Variants in CCL22 observed in about 807,000 individuals in gnomAD.
CCL22 encodes C-C motif chemokine 22.
Under a neutral mutation model 7.6 loss-of-function variants are expected in CCL22, and 7 were observed. The observed-to-expected ratio is 0.92, with a 90% CI of 0.52 to 1.72. The LOEUF is 1.72. Among genes scored for constraint, CCL22 ranks in the 40% most tolerant of loss-of-function variants. The probability of loss-of-function intolerance (pLI) is 0.00; values close to 1 mark genes in which losing one functional copy is unlikely to be tolerated. For synonymous variants in CCL22, 55 were observed against 47.2 expected (o/e 1.17, Z -0.68); for missense variants, 115 against 124.7 (o/e 0.92, Z 0.37).
chr16:57,361,496 C>T lies in CCL22; in HGVS notation c.197+936C>T, dbSNP rs1344646435. On this transcript the variant is annotated intron_variant, in intron 2 of 2. Transcript: ENST00000219235. ...CCCATGGTAGAGATGGAGAAACAGG[C>T]TTAGCAAGGGACAGTGACCTGCTCA... 3.3e-5 allele frequency among the ~76,000 whole-genome samples: 5 copies of T among 152,202 alleles called. No homozygotes were observed. In the East Asian group the frequency reaches 9.6e-4, roughly 29 times the overall value.
In CCL22 at chr16:57,364,518, A is replaced by C. The variant is rs1597991501; in HGVS notation, c.*930A>C. On this transcript the variant is annotated 3_prime_UTR_variant, in exon 3 of 3. Transcript: ENST00000219235. ...TTTGAGATGGAGTTTCGCTCTTGTCACCCACGCTGGAGTGCAATGGTGTGG... is the reference window on the plus strand; with the variant it reads ...TTTGAGATGGAGTTTCGCTCTTGTCCCCCACGCTGGAGTGCAATGGTGTGG... The C allele has an allele frequency of 7.7e-6, 1 of 130,656 alleles. No homozygotes were observed. Among genetic ancestry groups the C allele is most frequent in the Non-Finnish European group, 1.6e-5 (1 of 63,660 alleles). 8.1% of individuals were successfully genotyped at this position (130,656 alleles called of 1,614,324 possible). A position where few individuals can be genotyped will look rare whatever the true frequency, so the allele number is the denominator to read the frequency against.
chr16:57,363,741 C>T lies in CCL22; in HGVS notation c.*153C>T, dbSNP rs1221962074. 8 of 619,332 alleles carry T rather than the reference C, an allele frequency of 1.3e-5. No homozygotes were observed. The highest frequency in any genetic ancestry group is 1.9e-5 in the South Asian group (1 of 53,512). The allele number at this position is 619,332 out of a possible 1,614,324, so 38.4% of individuals were successfully genotyped here. ...TGTGGCTGTCACCCTTGGTCACCTCCGTGCTGTCACTGCCATCTCCCCCCT... is the reference window on the plus strand; with the variant it reads ...TGTGGCTGTCACCCTTGGTCACCTCTGTGCTGTCACTGCCATCTCCCCCCT... On this transcript the variant is annotated 3_prime_UTR_variant, in exon 3 of 3. Transcript: ENST00000219235.
Position 57,365,245 on chromosome 16 carries a change from A to G in CCL22, c.*1657A>G, listed in dbSNP as rs1459909707. On this transcript the variant is annotated 3_prime_UTR_variant, in exon 3 of 3. Coordinates refer to ENST00000219235, the MANE Select transcript of CCL22 (RefSeq NM_002990.5). ...TACCCAGGCCTGGCCTCTTCAGAGT[A>G]CCCCCCATTCCACTTTCCCTGCCTC... is the stretch of plus-strand genomic sequence containing the variant. The G allele has an allele frequency of 6.6e-6, 1 of 151,806 alleles. No homozygotes were observed. The highest frequency in any genetic ancestry group is 2.4e-5 in the African/African-American group (1 of 41,264). The allele number at this position is 151,806 out of a possible 1,614,324, so 9.4% of individuals were successfully genotyped here. A position where few individuals can be genotyped will look rare whatever the true frequency, so the allele number is the denominator to read the frequency against.
chr16:57,360,481 T>C lies in CCL22; in HGVS notation c.118T>C (p.Tyr40His), dbSNP rs41398344. ...NMEDSVCCRD[Y>H]VRYRLPLRVV... ...GGAAGACAGCGTCTGCTGCCGTGATTACGTCCGTTACCGTCTGCCCCTGCG... is the reference window on the plus strand; with the variant it reads ...GGAAGACAGCGTCTGCTGCCGTGATCACGTCCGTTACCGTCTGCCCCTGCG... Residue 40 changes from tyrosine (Y) to histidine (H), a missense_variant, in exon 2 of 3, where the codon TAC becomes CAC. By Grantham distance (83) the Tyr-to-His change is moderately conservative. Transcript: ENST00000219235. 12,068 of 1,614,214 alleles carry C rather than the reference T, an allele frequency of 7.5e-3. 61 individuals carry two copies. The highest frequency in any genetic ancestry group is 9.1e-3 in the Non-Finnish European group (10,707 of 1,180,012).
intron 1 of CCL22, among the ~76,000 whole-genome samples, chr16:57,359,612 A>G (rs2146496105): frequency 6.8e-6 from 1 of 147,850 alleles, no homozygotes; most frequent in East Asian, 2.0e-4. Context: ...CACTGCGTCT[A>G]GCCTAAATTT....
At chr16:57,362,510 G>C (rs879562524) in intron 2 of CCL22, among the ~76,000 whole-genome samples, 9 of 151,954 alleles carry the variant, frequency 5.9e-5, no homozygotes, top group African/African-American at 2.2e-4. Context: ...GAGCCAGAAG[G>C]GACCCTAGAA....
intron 1 of CCL22, among the ~76,000 whole-genome samples, chr16:57,359,542 C>T (rs564240349): frequency 2.0e-5 from 3 of 148,806 alleles, no homozygotes; most frequent in Middle Eastern, 6.8e-3. Flanking sequence ...TCTCAAACTC[C>T]TGACCTCAGA....
rs535406932 is a variant in CCL22, at chr16:57,365,520, G to A, written c.*1932G>A. On this transcript the variant is annotated 3_prime_UTR_variant, in exon 3 of 3. Coordinates refer to ENST00000219235, the MANE Select transcript of CCL22 (RefSeq NM_002990.5). ...TCTGTGGCAGGAGGCAAAGAGTAGG[G>A]TGTAATTGAGTGAAGGAATCCTGGG... 6.6e-6 allele frequency: 1 copy of A among 152,236 alleles called. No individual in the cohort carries two copies. Among genetic ancestry groups the A allele is most frequent in the Non-Finnish European group, 1.5e-5 (1 of 68,104 alleles). 9.4% of individuals were successfully genotyped at this position (152,236 alleles called of 1,614,324 possible).
chr16:57,358,772 T>C, upstream of CCL22: 1 of 1,447,572 alleles, frequency 6.9e-7, no homozygotes, highest in Non-Finnish European at 9.7e-7. Context: ...CAGGTCTTCC[T>C]ATGTCCCTTT....
At chr16:57,363,247 G>A (rs1020078329) in intron 2 of CCL22, among the ~76,000 whole-genome samples, 14 of 151,970 alleles carry the variant, frequency 9.2e-5, no homozygotes, top group East Asian at 1.9e-4. Flanking sequence ...CTCCTGCCTC[G>A]GCCTCCCAAA....
At position 57,363,644 on chromosome 16, in the gene CCL22, A is replaced by C. The variant is rs1037443738; in HGVS notation, c.*56A>C. 20 of 1,068,968 alleles carry C rather than the reference A, an allele frequency of 1.9e-5. No individual in the cohort carries two copies. Among genetic ancestry groups the C allele is most frequent in the East Asian group, 4.8e-5 (2 of 41,710 alleles). 66.2% of individuals were successfully genotyped at this position (1,068,968 alleles called of 1,614,324 possible). A position where few individuals can be genotyped will look rare whatever the true frequency, so the allele number is the denominator to read the frequency against. ...TCCTCCAGGAAGGCTCAGGAGCCCT[A>C]CCTCCCTGCCATTATAGCTGCTCCC... On this transcript the variant is annotated 3_prime_UTR_variant, in exon 3 of 3. Coordinates refer to ENST00000219235, the MANE Select transcript of CCL22 (RefSeq NM_002990.5).
upstream of CCL22, among the ~76,000 whole-genome samples, chr16:57,358,009 C>T (rs1902005563): frequency 6.6e-6 from 1 of 152,154 alleles, no homozygotes; most frequent in Admixed American, 6.5e-5. Context: ...CTGGCTGCTG[C>T]AGGGTGGGGA....
chr16:57,358,102 A>C (rs1452442975), upstream of CCL22, among the ~76,000 whole-genome samples: 2 of 152,172 alleles, frequency 1.3e-5, no homozygotes, highest in Non-Finnish European at 2.9e-5. Flanking sequence ...GAGAAGGAGC[A>C]GATCTGAGAG....
chr16:57,365,391 T>A lies in CCL22; in HGVS notation c.*1803T>A, dbSNP rs2146501265. 6.6e-6 allele frequency: 1 copy of A among 152,292 alleles called. No individual in the cohort carries two copies. The highest frequency in any genetic ancestry group is 1.5e-5 in the Non-Finnish European group (1 of 68,044). The allele number at this position is 152,292 out of a possible 1,614,324, so 9.4% of individuals were successfully genotyped here. A position where few individuals can be genotyped will look rare whatever the true frequency, so the allele number is the denominator to read the frequency against. ...CAGAGTAAATACTTAAGAGGCCAAA[T>A]AGATGAATGGAAGAATTTTAGGAAC... On this transcript the variant is annotated 3_prime_UTR_variant, in exon 3 of 3. Transcript: ENST00000219235.
intron 2 of CCL22, among the ~76,000 whole-genome samples, chr16:57,362,722 G>A (rs1902061730): frequency 6.6e-6 from 1 of 151,840 alleles, no homozygotes; most frequent in Admixed American, 6.6e-5. Context: ...TTAGCTGGGT[G>A]TTGTGGCGGG....
rs563021714 is a variant in CCL22 at position 57,361,232 on chromosome 16, C to T, written c.197+672C>T. 4.9e-5 allele frequency among the ~76,000 whole-genome samples: 7 copies of T among 143,558 alleles called. No individual in the cohort carries two copies. In the South Asian group the frequency reaches 1.6e-3, roughly 32 times the overall value. The allele number at this position is 143,558 out of a possible 152,430, so 94.2% of individuals were successfully genotyped here. Reference sequence around the variant, plus strand: ...CGAGATCGCTCCACCTCACTCCAGCCTGGGCAACAGAGGGAGACTCTGTCT... The same window carrying T: ...CGAGATCGCTCCACCTCACTCCAGCTTGGGCAACAGAGGGAGACTCTGTCT... On this transcript the variant is annotated intron_variant, in intron 2 of 2. Transcript: ENST00000219235.
Position 57,360,471 on chromosome 16 carries a change from C to G in CCL22, c.108C>G (p.Cys36Trp). 6.2e-7 allele frequency: 1 copy of G among 1,614,240 alleles called. No homozygotes were observed. Among genetic ancestry groups the G allele is most frequent in the Non-Finnish European group, 8.5e-7 (1 of 1,180,036 alleles). Residue 36 changes from cysteine to tryptophan, a missense_variant, in exon 2 of 3, where the codon TGC becomes TGG. Physicochemically the swap from Cys to Trp is radical, Grantham distance 215. Transcript: ENST00000219235. ...GCGCCAACATGGAAGACAGCGTCTG[C>G]TGCCGTGATTACGTCCGTTACCGTC... ...PYGANMEDSVCCRDYVRYRLP... is the reference protein window; with the variant it reads ...PYGANMEDSVWCRDYVRYRLP...
intron 2 of CCL22, 123 bp from the exon 3 acceptor site, chr16:57,363,381 G>A (rs985763337): frequency 9.3e-5 from 59 of 636,992 alleles, no homozygotes; most frequent in Admixed American, 7.3e-4. Flanking sequence ...TATGTAGTAG[G>A]TGACTCATAA....
chr16:57,364,653 ATT>A lies in CCL22; in HGVS notation c.*1069_*1070del, dbSNP rs1902085413. The A allele has an allele frequency of 6.6e-6, 1 of 151,338 alleles. No homozygotes were observed. The highest frequency in any genetic ancestry group is 2.1e-4 in the South Asian group (1 of 4,792). The allele number at this position is 151,338 out of a possible 1,614,324, so 9.4% of individuals were successfully genotyped here. A position where few individuals can be genotyped will look rare whatever the true frequency, so the allele number is the denominator to read the frequency against. ...GCTACCACGCCCAGCTAATTTTTGT[ATT>A]TTTAGTAGAGACGAGGCTTCACCAT... is the stretch of plus-strand genomic sequence containing the variant. On this transcript the variant is annotated 3_prime_UTR_variant, in exon 3 of 3. Transcript: ENST00000219235.
Sources: gnomAD v4.1 joint callset for allele counts (sites outside exome capture counted in the v4.1 genomes callset) on GRCh38, gnomAD v4.1.1 for gene constraint, MANE v1.5 for transcripts, NCBI Gene and HGNC (gene_info 2026-07-23, HGNC 2026-07-21) for gene names.